TSPAN11: variants seen among roughly 807,000 people sequenced by gnomAD.
TSPAN11 encodes tetraspanin-11.
TSPAN11 carries 29 observed loss-of-function variants against 32.9 expected under a neutral mutation model. That is an observed-to-expected ratio of 0.88 (90% CI 0.66 to 1.20). The LOEUF (loss-of-function observed/expected upper bound fraction) is 1.20, where lower values mean the gene tolerates loss of function less well. Among genes scored for constraint, TSPAN11 ranks in the 50% most tolerant of loss-of-function variants. The pLI is 0.00. For synonymous variants in TSPAN11, 140 were observed against 141.3 expected (o/e 0.99, Z 0.07); for missense variants, 283 against 329.1 (o/e 0.86, Z 1.08).
intron 3 of TSPAN11, 29 bp downstream of exon 3, chr12:30,964,046 A>T: frequency 6.2e-7 from 1 of 1,603,096 alleles, no homozygotes; most frequent in Non-Finnish European, 8.5e-7. Flanking sequence ...CTCTGCAGGG[A>T]TGGGGAGCCC....
At chr12:30,977,760 G>A (rs1332815303) in intron 3 of TSPAN11, among the ~76,000 whole-genome samples, 2 of 152,098 alleles carry the variant, frequency 1.3e-5, no homozygotes, top group African/African-American at 2.4e-5. Context: ...AAGGAAGCAG[G>A]GCCCATGTCC....
intron 6 of TSPAN11, 136 bp downstream of exon 6, chr12:30,982,826 G>A: frequency 7.6e-7 from 1 of 1,318,924 alleles, no homozygotes. Flanking sequence ...AGCCCACAGT[G>A]TCTGGGGCTT....
chr12:30,957,232 C>CGA (rs1565793717), intron 2 of TSPAN11, among the ~76,000 whole-genome samples: 1 of 72,942 alleles, frequency 1.4e-5, no homozygotes, highest in African/African-American at 4.7e-5. Flanking sequence ...CCTGGGACCC[C>CGA]CCCCCCCCCC....
intron 3 of TSPAN11, among the ~76,000 whole-genome samples, chr12:30,974,436 T>G (rs1468741563): frequency 2.0e-5 from 3 of 152,202 alleles, no homozygotes; most frequent in Non-Finnish European, 4.4e-5. Context: ...TTGTGCCAGG[T>G]TGAGAACCAC....
intron 3 of TSPAN11, among the ~76,000 whole-genome samples, chr12:30,973,866 C>T (rs1036561451): frequency 6.6e-6 from 1 of 152,202 alleles, no homozygotes. Flanking sequence ...AACCCTAACA[C>T]AAACCTTATG....
chr12:31,012,035 A>G, the TSPAN11 span, among the ~76,000 whole-genome samples: 1 of 152,238 alleles, frequency 6.6e-6, no homozygotes, highest in Non-Finnish European at 1.5e-5. Context: ...GATGAGGTCC[A>G]TGCACAGCTC....
chr12:30,992,109 TCTC>T lies in TSPAN11; in HGVS notation c.*199_*201del. On this transcript the variant is annotated 3_prime_UTR_variant, in exon 8 of 8. Transcript: ENST00000546076. ...ACCCAGGCAGAGACCCTCGGCCCCC[TCTC>T]CTCCATTTCTGAGCCCCCATGGCCA... The T allele has an allele frequency of 3.2e-6, 2 of 633,022 alleles. No individual in the cohort carries two copies. Among genetic ancestry groups the T allele is most frequent in the South Asian group, 3.7e-5 (2 of 54,636 alleles). The allele number at this position is 633,022 out of a possible 1,614,324, so 39.2% of individuals were successfully genotyped here.
At chr12:30,982,982 C>T in intron 6 of TSPAN11, 82 bp from the exon 7 acceptor site, 1 of 1,430,414 alleles carries the variant, frequency 7.0e-7, no homozygotes, top group Non-Finnish European at 9.7e-7. Flanking sequence ...TCCTCAGCCT[C>T]TGCTGCAGTG....
At chr12:30,987,573 C>T (rs1377812389) in intron 7 of TSPAN11, among the ~76,000 whole-genome samples, 1 of 151,868 alleles carries the variant, frequency 6.6e-6, no homozygotes, top group Non-Finnish European at 1.5e-5. Context: ...TGCCACTGCA[C>T]TCCAGGGCGA....
intron 1 of TSPAN11, among the ~76,000 whole-genome samples, chr12:30,934,906 C>G (rs1938010671): frequency 1.3e-5 from 2 of 152,198 alleles, no homozygotes; most frequent in South Asian, 4.1e-4. Flanking sequence ...TCTAAGAACT[C>G]TGCCCCCTGA....
intron 7 of TSPAN11, among the ~76,000 whole-genome samples, chr12:30,985,951 T>C (rs1939193486): frequency 6.6e-6 from 1 of 152,238 alleles, no homozygotes; most frequent in African/African-American, 2.4e-5. Context: ...TTGCCCAGTT[T>C]TCTCTGCTGT....
At chr12:30,998,571 A>G (rs970499005), downstream of TSPAN11, among the ~76,000 whole-genome samples, 2 of 152,208 alleles carry the variant, frequency 1.3e-5, no homozygotes, top group Non-Finnish European at 1.5e-5. Context: ...CTTGAGCAGA[A>G]AGGGGAGGAT....
chr12:30,997,037 A>G (rs1018099168), downstream of TSPAN11: 14 of 152,190 alleles, frequency 9.2e-5, no homozygotes, highest in African/African-American at 3.1e-4. Context: ...AGTCAGGAGC[A>G]AGGGGGCTCT....
rs1592501074 is a variant in TSPAN11, at chr12:30,992,204, C to T, written c.*289C>T. 5 of 507,078 alleles carry T rather than the reference C, an allele frequency of 9.9e-6. No homozygotes were observed. Among genetic ancestry groups the T allele is most frequent in the Non-Finnish European group, 1.8e-5 (5 of 280,050 alleles). The allele number at this position is 507,078 out of a possible 1,614,324, so 31.4% of individuals were successfully genotyped here. A position where few individuals can be genotyped will look rare whatever the true frequency, so the allele number is the denominator to read the frequency against. The stretch of plus-strand genomic sequence containing the variant: ...GCCCCTCACCAGGAACGGGGGCACC[C>T]GTGGACTACGGGAGGGTGGCGGTTG... On this transcript the variant is annotated 3_prime_UTR_variant, in exon 8 of 8. Transcript: ENST00000546076.
the TSPAN11 span, among the ~76,000 whole-genome samples, chr12:31,007,434 CACTGACCTGGGAT>C: frequency 6.6e-6 from 1 of 152,028 alleles, no homozygotes; most frequent in Non-Finnish European, 1.5e-5. Context: ...CTTGGCTCCT[CACTGACCTGGGAT>C]AGGTCGTCTG....
At chr12:30,933,535 C>G (rs1937978279) in intron 1 of TSPAN11, among the ~76,000 whole-genome samples, 1 of 152,190 alleles carries the variant, frequency 6.6e-6, no homozygotes, top group South Asian at 2.1e-4. Context: ...GAAAGCCACC[C>G]CCTACCTCTG....
In TSPAN11 at chr12:30,995,528, C is replaced by T. The variant is rs1034842188; in HGVS notation, c.*3613C>T. On this transcript the variant is annotated 3_prime_UTR_variant, in exon 8 of 8. Transcript: ENST00000546076. ...GAATATGGTAGATCATTGTGATGTG[C>T]CTCGGGGCCCTCTTGCCTTGGAGCC... 6.6e-6 allele frequency: 1 copy of T among 152,236 alleles called. No homozygotes were observed. The highest frequency in any genetic ancestry group is 1.5e-5 in the Non-Finnish European group (1 of 68,116). 9.4% of individuals were successfully genotyped at this position (152,236 alleles called of 1,614,324 possible).
At chr12:30,954,626 G>C (rs967788951) in intron 2 of TSPAN11, 2 of 154,442 alleles carry the variant, frequency 1.3e-5, no homozygotes, top group African/African-American at 4.8e-5. Context: ...CAATCATCTG[G>C]GTAATTGGGA....
At chr12:30,946,681 A>G (rs956166642) in intron 1 of TSPAN11, among the ~76,000 whole-genome samples, 4 of 152,254 alleles carry the variant, frequency 2.6e-5, no homozygotes, top group Non-Finnish European at 5.9e-5. Flanking sequence ...GCCCTGGAGC[A>G]TTCAGACAGG....
Sources: gnomAD v4.1 joint callset for allele counts (sites outside exome capture counted in the v4.1 genomes callset) on GRCh38, gnomAD v4.1.1 for gene constraint, MANE v1.5 for transcripts, NCBI Gene and HGNC (gene_info 2026-07-23, HGNC 2026-07-21) for gene names.